TENT5D: variants seen among roughly 807,000 people sequenced by gnomAD.
The protein encoded by TENT5D is terminal nucleotidyltransferase 5D, also known as cancer/testis antigen 112.
For missense variants in TENT5D, 191 were observed against 287.0 expected, an observed-to-expected ratio of 0.67 and a Z score of 2.42; for synonymous variants, 103 against 100.6, an observed-to-expected ratio of 1.02 and a Z score of -0.15.
chrX:80,408,290 T>C (rs1380775806), intron 3 of TENT5D, among the ~76,000 whole-genome samples: 1 of 106,501 alleles, frequency 9.4e-6, no homozygotes, highest in Non-Finnish European at 1.9e-5. Context: ...AAAAAACCCT[T>C]CAAAAAATTA....
chrX:80,367,321 G>A (rs1227999182), intron 3 of TENT5D, among the ~76,000 whole-genome samples: 3 of 111,488 alleles, frequency 2.7e-5, no homozygotes, highest in African/African-American at 6.5e-5. Context: ...TAAAATGGCC[G>A]TTATCCAAAA....
intron 3 of TENT5D, among the ~76,000 whole-genome samples, chrX:80,401,938 C>A (rs1238924992): frequency 9.0e-6 from 1 of 111,683 alleles, no homozygotes; most frequent in East Asian, 2.8e-4. Flanking sequence ...AGTATTCTCT[C>A]TGGAATTTTT....
At chrX:80,397,020 G>A (rs1194154262) in intron 3 of TENT5D, among the ~76,000 whole-genome samples, 7 of 81,961 alleles carry the variant, frequency 8.5e-5, no homozygotes, top group East Asian at 4.1e-4. Context: ...GCGTCTGGCC[G>A]GGGGGGGGGC....
intron 3 of TENT5D, among the ~76,000 whole-genome samples, chrX:80,360,819 G>A (rs1224783924): frequency 8.9e-6 from 1 of 111,946 alleles, no homozygotes; most frequent in African/African-American, 3.2e-5. Context: ...TAAAAAGGTA[G>A]TTCCAAGTCA....
In TENT5D at chrX:80,399,760, A is replaced by C. The variant is rs778759409; in HGVS notation, c.-141-38850A>C. Among the ~76,000 whole-genome samples, 13 of 112,558 alleles carry C rather than the reference A, an allele frequency of 1.2e-4. 1 individual carries two copies. In the South Asian group the frequency reaches 4.8e-3, roughly 42 times the overall value. On this transcript the variant is annotated intron_variant, in intron 3 of 4. Transcript: ENST00000538312. ...ATTCTCTGCTTTCAGAGCACCAATA[A>C]TGATTAGCTTTTAAACTTTTTTTTC... is the stretch of plus-strand genomic sequence containing the variant.
chrX:80,406,189 G>A (rs1485008090), intron 3 of TENT5D, among the ~76,000 whole-genome samples: 2 of 112,177 alleles, frequency 1.8e-5, no homozygotes, highest in Non-Finnish European at 3.8e-5. Flanking sequence ...AAAACGCAGA[G>A]CACCTCTCCT....
intron 3 of TENT5D, among the ~76,000 whole-genome samples, chrX:80,356,691 T>C (rs770255266): frequency 2.4e-4 from 27 of 111,722 alleles, no homozygotes; most frequent in Admixed American, 2.1e-3. Flanking sequence ...GGAAGCAAGT[T>C]CTGTTTTATT....
At chrX:80,442,934 A>G in exon 3 of TENT5D, 1 of 1,211,642 alleles carries the variant, frequency 8.3e-7, no homozygotes, top group Non-Finnish European at 1.1e-6. Context: ...GCTTACGTAC[A>G]GAAATTGGTC....
chrX:80,426,675 T>C (rs761463273), intron 1 of TENT5D, among the ~76,000 whole-genome samples: 1 of 112,543 alleles, frequency 8.9e-6, no homozygotes, highest in African/African-American at 3.2e-5. Context: ...TCTTCTGCTT[T>C]ATTTTATTTA....
intron 3 of TENT5D, among the ~76,000 whole-genome samples, chrX:80,346,890 C>A (rs1460226075): frequency 2.7e-5 from 3 of 110,695 alleles, no homozygotes; most frequent in Non-Finnish European, 5.7e-5. Flanking sequence ...TATGTGTTCT[C>A]ATTGTTTGGC....
intron 3 of TENT5D, among the ~76,000 whole-genome samples, chrX:80,375,604 T>C (rs751099710): frequency 1.8e-5 from 2 of 111,792 alleles, no homozygotes; most frequent in African/African-American, 3.2e-5. Context: ...TTCATCCATT[T>C]GCTTTTTTTC....
At chrX:80,385,827 C>T (rs777500386) in intron 3 of TENT5D, among the ~76,000 whole-genome samples, 7 of 112,519 alleles carry the variant, frequency 6.2e-5, no homozygotes, top group Non-Finnish European at 1.3e-4. Context: ...AAAAAATGCT[C>T]ATCATCACTG....
chrX:80,431,350 C>T (rs1194376848), intron 1 of TENT5D, among the ~76,000 whole-genome samples: 1 of 111,247 alleles, frequency 9.0e-6, no homozygotes, highest in African/African-American at 3.3e-5. Context: ...TGACAAGGCT[C>T]CCCAAGGAGA....
intron 3 of TENT5D, among the ~76,000 whole-genome samples, chrX:80,392,495 CTTTTTTTTTTTTTTT>C (rs72029455): frequency 2.9e-4 from 7 of 24,289 alleles, no homozygotes; most frequent in Non-Finnish European, 4.5e-4. Flanking sequence ...TCATTTTATT[CTTTTTTTTTTTTTTT>C]TTTTTTTTTT....
At chrX:80,345,849 T>C (rs921064092) in intron 3 of TENT5D, among the ~76,000 whole-genome samples, 3 of 111,482 alleles carry the variant, frequency 2.7e-5, no homozygotes, top group African/African-American at 9.8e-5. Context: ...AGGGTCCCTT[T>C]TGCCCTTGCT....
At chrX:80,385,287 T>A (rs999875713) in intron 3 of TENT5D, among the ~76,000 whole-genome samples, 33 of 111,159 alleles carry the variant, frequency 3.0e-4, no homozygotes, top group Non-Finnish European at 6.2e-4. Context: ...AACTATCTGA[T>A]CCTTGACAAA....
intron 1 of TENT5D, among the ~76,000 whole-genome samples, chrX:80,422,757 C>T (rs1291877712): frequency 1.8e-5 from 2 of 111,487 alleles, no homozygotes; most frequent in African/African-American, 3.3e-5. Flanking sequence ...TCTCCTTCCT[C>T]AGATAGTGTT....
chrX:80,423,399 G>A (rs1030387281), intron 1 of TENT5D, among the ~76,000 whole-genome samples: 7 of 111,765 alleles, frequency 6.3e-5, no homozygotes, highest in East Asian at 5.7e-4. Flanking sequence ...AAAGAAGAAC[G>A]CTTTCTGCAG....
intron 3 of TENT5D, among the ~76,000 whole-genome samples, chrX:80,397,093 CG>C (rs1931280244): frequency 1.0e-5 from 1 of 97,178 alleles, no homozygotes; most frequent in Non-Finnish European, 2.1e-5. Flanking sequence ...ACTTCCCAGA[CG>C]GGGTGGTTGC....
Sources: allele counts gnomAD v4.1 joint callset (sites outside exome capture counted in the v4.1 genomes callset), GRCh38; gene constraint gnomAD v4.1.1; transcripts MANE v1.5; gene names NCBI Gene and HGNC (gene_info 2026-07-23, HGNC 2026-07-21).